Variants in ENTREP2 observed in about 807,000 individuals in gnomAD.
ENTREP2 encodes endosomal transmembrane epsin interactor 2.
the ENTREP2 span, among the ~76,000 whole-genome samples, chr15:29,674,143 G>A: frequency 1.4e-5 from 2 of 146,780 alleles, no homozygotes; most frequent in East Asian, 2.0e-4. Flanking sequence ...GGGGGGGGGG[G>A]CTTTGCCAGC....
chr15:29,288,983 T>C, the ENTREP2 span, among the ~76,000 whole-genome samples: 4 of 152,184 alleles, frequency 2.6e-5, no homozygotes, highest in East Asian at 1.9e-4. Flanking sequence ...TGTGGGCAGA[T>C]TGCTTAAGCT....
chr15:29,369,741 T>G, the ENTREP2 span, among the ~76,000 whole-genome samples: 1 of 152,346 alleles, frequency 6.6e-6, no homozygotes, highest in African/African-American at 2.4e-5. Flanking sequence ...CAGTCAAAAC[T>G]CAGGTTGAAA....
chr15:29,302,313 A>T, the ENTREP2 span, among the ~76,000 whole-genome samples: 2 of 152,192 alleles, frequency 1.3e-5, no homozygotes, highest in Non-Finnish European at 1.5e-5. Context: ...TGTTCATTCA[A>T]CTTATCGTCT....
the ENTREP2 span, among the ~76,000 whole-genome samples, chr15:29,425,897 C>A: frequency 6.6e-6 from 1 of 151,824 alleles, no homozygotes; most frequent in African/African-American, 2.4e-5. Flanking sequence ...ACAATTCAAA[C>A]TTAACTTTAT....
At chr15:29,621,588 CAAAAAAAA>C in the ENTREP2 span, among the ~76,000 whole-genome samples, 1 of 58,854 alleles carries the variant, frequency 1.7e-5, no homozygotes, top group Non-Finnish European at 3.2e-5. Flanking sequence ...TGGCCACTAT[CAAAAAAAA>C]AAAAAAAAAA....
At chr15:29,478,019 ATTT>A in the ENTREP2 span, among the ~76,000 whole-genome samples, 3 of 54,282 alleles carry the variant, frequency 5.5e-5, no homozygotes, top group African/African-American at 9.0e-5. Context: ...ATATATATAT[ATTT>A]TTTTTTTTTT....
the ENTREP2 span, among the ~76,000 whole-genome samples, chr15:29,547,213 G>C: frequency 6.6e-6 from 1 of 151,088 alleles, no homozygotes; most frequent in Non-Finnish European, 1.5e-5. Flanking sequence ...AGCCTCCCAA[G>C]TAGCTGGGAT....
chr15:29,318,556 G>A, the ENTREP2 span, among the ~76,000 whole-genome samples: 12 of 152,022 alleles, frequency 7.9e-5, no homozygotes, highest in African/African-American at 1.2e-4. Flanking sequence ...TCCTGACCTC[G>A]TGATCCGCCC....
At chr15:29,466,467 GC>G in the ENTREP2 span, among the ~76,000 whole-genome samples, 1 of 133,072 alleles carries the variant, frequency 7.5e-6, no homozygotes, top group African/African-American at 2.8e-5. Context: ...GATGCTGATG[GC>G]CCCAGGGGAG....
the ENTREP2 span, among the ~76,000 whole-genome samples, chr15:29,212,716 T>A: frequency 6.6e-6 from 1 of 152,238 alleles, no homozygotes; most frequent in Admixed American, 6.5e-5. Context: ...AAGAATTTTT[T>A]AATTTCCATC....
the ENTREP2 span, among the ~76,000 whole-genome samples, chr15:29,661,494 C>T: frequency 4.6e-5 from 7 of 152,218 alleles, no homozygotes; most frequent in South Asian, 2.1e-4. Context: ...CCACCACACC[C>T]GGCCGAGAAG....
At chr15:29,546,892 AAAAAACAACAAC>A in the ENTREP2 span, among the ~76,000 whole-genome samples, 513 of 108,796 alleles carry the variant, frequency 4.7e-3, 28 homozygotes, top group African/African-American at 0.022. Flanking sequence ...ATCTCAAAAA[AAAAAACAACAAC>A]AAAAAAAAAA....
the ENTREP2 span, among the ~76,000 whole-genome samples, chr15:29,333,986 AG>A: frequency 6.6e-6 from 1 of 152,126 alleles, no homozygotes; most frequent in Middle Eastern, 3.2e-3. Flanking sequence ...AGCAAATCAC[AG>A]GAAGCTAGGA....
the ENTREP2 span, among the ~76,000 whole-genome samples, chr15:29,571,114 G>C: frequency 6.7e-6 from 1 of 149,226 alleles, no homozygotes; most frequent in African/African-American, 2.4e-5. Context: ...GCTGGGGCGG[G>C]AGCGGGAGCC....
the ENTREP2 span, among the ~76,000 whole-genome samples, chr15:29,472,428 A>AACACACACACACACAC: frequency 5.5e-4 from 77 of 140,710 alleles, no homozygotes; most frequent in South Asian, 2.9e-3. Flanking sequence ...CACAACACAC[A>AACACACACACACACAC]ACACACACAC....
chr15:29,562,762 G>GTT, the ENTREP2 span, among the ~76,000 whole-genome samples: 48 of 147,384 alleles, frequency 3.3e-4, no homozygotes, highest in African/African-American at 1.1e-3. Context: ...GTTGTTGTTG[G>GTT]TTTTTTTTGG....
the ENTREP2 span, among the ~76,000 whole-genome samples, chr15:29,556,567 G>A: frequency 6.6e-6 from 1 of 152,058 alleles, no homozygotes; most frequent in African/African-American, 2.4e-5. Flanking sequence ...AACCAGTTTT[G>A]CCAAGAATAA....
chr15:29,309,686 G>C, the ENTREP2 span, among the ~76,000 whole-genome samples: 1 of 151,780 alleles, frequency 6.6e-6, no homozygotes. Context: ...CTACTTGGGA[G>C]GCTGATGCAG....
chr15:29,129,851 C>T, the ENTREP2 span, among the ~76,000 whole-genome samples: 33 of 151,754 alleles, frequency 2.2e-4, no homozygotes, highest in African/African-American at 7.7e-4. Context: ...GCATGAGCAC[C>T]CCCATGCACC....
Sources: allele counts gnomAD v4.1 joint callset (sites outside exome capture counted in the v4.1 genomes callset), GRCh38; gene constraint gnomAD v4.1.1; transcripts MANE v1.5; gene names NCBI Gene and HGNC (gene_info 2026-07-23, HGNC 2026-07-21).